ARHGAP36: variants seen among roughly 807,000 people sequenced by gnomAD.
ARHGAP36 encodes the protein rho GTPase-activating protein 36.
In ARHGAP36, 7 loss-of-function variants were observed where a neutral mutation model predicts 32.9. The observed-to-expected ratio is 0.21, with a 90% CI of 0.12 to 0.40. The LOEUF (loss-of-function observed/expected upper bound fraction) is 0.40. Among genes scored for constraint, ARHGAP36 ranks in the 10% least tolerant of loss-of-function variants. The pLI is 1.00. For synonymous variants in ARHGAP36, 165 were observed against 168.3 expected (o/e 0.98, Z 0.15); for missense variants, 383 against 442.2 (o/e 0.87, Z 1.20).
intron 1 of ARHGAP36, among the ~76,000 whole-genome samples, chrX:131,081,309 C>A (rs957882639): frequency 2.7e-4 from 30 of 109,778 alleles, no homozygotes; most frequent in Admixed American, 5.8e-4. Context: ...AAAAAAAAAA[C>A]CTCTAAAAAC....
intron 1 of ARHGAP36, chrX:131,078,581 G>A (rs1408765141): frequency 1.2e-5 from 4 of 327,532 alleles, no homozygotes; most frequent in African/African-American, 2.8e-5. Context: ...GAAATGTCAG[G>A]CCTGAAGTAT....
At chrX:131,080,574 A>G (rs1432503230) in intron 1 of ARHGAP36, among the ~76,000 whole-genome samples, 1 of 112,018 alleles carries the variant, frequency 8.9e-6, no homozygotes, top group Non-Finnish European at 1.9e-5. Context: ...GGCATACCCC[A>G]TTGGGGATGC....
rs368446020 is a variant in ARHGAP36 at position 131,084,892 on chromosome X, C to T, written c.805-22C>T. ...AGCTGTGGTGGGCCAGGCAGACAGT[C>T]CCTGTCTTCTCCTTTTCCTAGCTCC... On this transcript the variant is annotated intron_variant, in intron 6 of 11. Coordinates refer to ENST00000276211, the MANE Select transcript of ARHGAP36 (RefSeq NM_144967.4). 6.6e-6 allele frequency: 8 copies of T among 1,207,420 alleles called. No individual in the cohort carries two copies. In the African/African-American group the frequency reaches 8.7e-5, roughly 13 times the overall value.
In ARHGAP36 at chrX:131,083,786, G is replaced by A. The variant is rs758494381; in HGVS notation, c.372G>A (p.Glu124=). 8.3e-7 allele frequency: 1 copy of A among 1,211,504 alleles called. No individual in the cohort carries two copies. The highest frequency in any genetic ancestry group is 1.8e-5 in the South Asian group (1 of 56,969). Residue 124 remains glutamate, a synonymous_variant, in exon 4 of 12, where the codon GAG becomes GAA. Transcript: ENST00000276211. ...GISLEEVLVN[E]FTRRKHLELT... ...GCCTGGAAGAGGTCCTGGTGAACGA[G>A]TTTACCCGCCGCAAGCATCTTGAAC...
chrX:131,088,134 C>T (rs2079845302), intron 11 of ARHGAP36, among the ~76,000 whole-genome samples: 1 of 112,532 alleles, frequency 8.9e-6, no homozygotes, highest in Non-Finnish European at 1.9e-5. Context: ...CCTGTAGATA[C>T]CACTCTCCTT....
At chrX:131,067,295 C>T (rs1216774635) in intron 1 of ARHGAP36, among the ~76,000 whole-genome samples, 2 of 111,775 alleles carry the variant, frequency 1.8e-5, no homozygotes, top group African/African-American at 3.3e-5. Context: ...ATCTCCTGGG[C>T]GGGGGAGGGG....
Position 131,078,168 on chromosome X carries a change from C to A in ARHGAP36, c.-142-3356C>A, listed in dbSNP as rs187756700. Among the ~76,000 whole-genome samples, 103 of 111,225 alleles carry A rather than the reference C, an allele frequency of 9.3e-4. 1 individual carries two copies. The highest frequency in any genetic ancestry group is 3.1e-3 in the African/African-American group (96 of 30,545). ...TCACTATTAACATGTTTATTAAAAA[C>A]CAATGCTAAATACCACACATAATAT... On this transcript the variant is annotated intron_variant, in intron 1 of 11. Coordinates refer to ENST00000276211, the MANE Select transcript of ARHGAP36 (RefSeq NM_144967.4).
chrX:131,081,973 G>C (rs1033831457), intron 2 of ARHGAP36, 55 bp downstream of exon 2: 2 of 1,173,065 alleles, frequency 1.7e-6, no homozygotes, highest in Non-Finnish European at 2.3e-6. Flanking sequence ...GGACCCTCCG[G>C]GCAGGACGGG....
chrX:131,072,180 G>C (rs757793950), intron 1 of ARHGAP36, among the ~76,000 whole-genome samples: 1 of 111,486 alleles, frequency 9.0e-6, no homozygotes, highest in African/African-American at 3.3e-5. Flanking sequence ...TAAGACTATA[G>C]TAGTGGGGGG....
intron 1 of ARHGAP36, among the ~76,000 whole-genome samples, chrX:131,064,104 A>T (rs1377960986): frequency 9.0e-6 from 1 of 111,695 alleles, no homozygotes; most frequent in African/African-American, 3.3e-5. Flanking sequence ...GGGCAATCTT[A>T]GCCAGGAAAT....
At chrX:131,066,490 C>T (rs2079699572) in intron 1 of ARHGAP36, among the ~76,000 whole-genome samples, 1 of 112,056 alleles carries the variant, frequency 8.9e-6, no homozygotes, top group Admixed American at 9.4e-5. Flanking sequence ...AGAGTAATTA[C>T]AGATTTTGAA....
intron 1 of ARHGAP36, among the ~76,000 whole-genome samples, chrX:131,059,775 G>A (rs1272909198): frequency 9.0e-6 from 1 of 111,666 alleles, no homozygotes; most frequent in Non-Finnish European, 1.9e-5. Context: ...TTTATAAGAT[G>A]TCTTTTAAGG....
Position 131,058,371 on chromosome X carries a change from G to C in ARHGAP36, c.-216G>C. The C allele has an allele frequency of 8.9e-7, 1 of 1,126,386 alleles. No homozygotes were observed. The highest frequency in any genetic ancestry group is 2.9e-5 in the Admixed American group (1 of 34,435). The allele number at this position is 1,126,386 out of a possible 1,213,427, so 92.8% of individuals were successfully genotyped here. On this transcript the variant is annotated 5_prime_UTR_variant, in exon 1 of 12. Coordinates refer to ENST00000276211, the MANE Select transcript of ARHGAP36 (RefSeq NM_144967.4). ...GCAAAGGTTAACTGCGAGCTGCCGG[G>C]CACTCAGCGCGGGTCATGGCGTGGA...
In ARHGAP36 at chrX:131,058,452, G is replaced by A; in HGVS notation, c.-143+8G>A. The A allele has an allele frequency of 2.8e-6, 3 of 1,056,462 alleles. No individual in the cohort carries two copies. Among genetic ancestry groups the A allele is most frequent in the Admixed American group, 3.8e-5 (1 of 26,595 alleles). The allele number at this position is 1,056,462 out of a possible 1,213,427, so 87.1% of individuals were successfully genotyped here. On this transcript the variant is annotated splice_region_variant and intron_variant, in intron 1 of 11. Coordinates refer to ENST00000276211, the MANE Select transcript of ARHGAP36 (RefSeq NM_144967.4). The stretch of plus-strand genomic sequence containing the variant: ...AGCCCCGCCCCCGCCGTGGTGAGTG[G>A]GGCCCACCGAGTCGGGGGGCTGGGG...
intron 1 of ARHGAP36, among the ~76,000 whole-genome samples, chrX:131,073,564 A>T (rs1029382638): frequency 5.3e-5 from 6 of 113,183 alleles, no homozygotes; most frequent in Admixed American, 3.7e-4. Context: ...AACTGCGAAT[A>T]GCAGCCGTGT....
intron 11 of ARHGAP36, among the ~76,000 whole-genome samples, chrX:131,087,868 C>T (rs2079843322): frequency 9.0e-6 from 1 of 111,520 alleles, no homozygotes; most frequent in South Asian, 3.9e-4. Flanking sequence ...CTAAGGATGC[C>T]CAGATTTACA....
chrX:131,074,757 A>G (rs184380613), intron 1 of ARHGAP36, among the ~76,000 whole-genome samples: 3,112 of 111,681 alleles, frequency 0.028, 111 homozygotes, highest in African/African-American at 0.095. Flanking sequence ...GGCAGGAACA[A>G]GGGCTTTCTA....
chrX:131,082,590 G>C (rs1452437029), intron 2 of ARHGAP36, among the ~76,000 whole-genome samples: 2 of 113,402 alleles, frequency 1.8e-5, no homozygotes, highest in Non-Finnish European at 3.7e-5. Flanking sequence ...AAGTGCTGGG[G>C]GTGGCAGCTT....
At chrX:131,073,269 G>C (rs1182400057) in intron 1 of ARHGAP36, among the ~76,000 whole-genome samples, 2 of 113,171 alleles carry the variant, frequency 1.8e-5, no homozygotes, top group African/African-American at 6.4e-5. Context: ...TAACTTTACA[G>C]GTTCTGCGCT....
Sources: allele counts gnomAD v4.1 joint callset (sites outside exome capture counted in the v4.1 genomes callset), GRCh38; gene constraint gnomAD v4.1.1; transcripts MANE v1.5; gene names NCBI Gene and HGNC (gene_info 2026-07-23, HGNC 2026-07-21).